The following ZNF521 variants were observed in gnomAD, a reference collection of about 807,000 sequenced individuals.
ZNF521 encodes LYST-interacting protein 3.
In ZNF521, 14 loss-of-function variants were observed where a neutral mutation model predicts 105.5. The ratio of observed to expected loss-of-function variants is 0.13; its 90% CI spans 0.09 to 0.21. The LOEUF is 0.21. Among genes scored for constraint, ZNF521 ranks in the 10% least tolerant of loss-of-function variants. The pLI, the probability that ZNF521 is intolerant of heterozygous loss-of-function variation, is 1.00. For synonymous variants in ZNF521, 635 were observed against 606.0 expected, an observed-to-expected ratio of 1.05 and a Z score of -0.70; for missense variants, 1,233 against 1,629.7, an observed-to-expected ratio of 0.76 and a Z score of 4.19.
At chr18:25,311,424 T>C (rs1445925809) in intron 3 of ZNF521, among the ~76,000 whole-genome samples, 3 of 151,264 alleles carry the variant, frequency 2.0e-5, no homozygotes, top group Non-Finnish European at 4.4e-5. Flanking sequence ...AGTTTTATCA[T>C]GTTGAATTTC....
At chr18:25,305,703 A>T (rs1911937601) in intron 3 of ZNF521, among the ~76,000 whole-genome samples, 1 of 152,236 alleles carries the variant, frequency 6.6e-6, no homozygotes, top group Non-Finnish European at 1.5e-5. Context: ...TTAGAAGGGA[A>T]GAATTTTAAG....
chr18:25,103,688 C>G (rs1487718719), intron 5 of ZNF521, among the ~76,000 whole-genome samples: 2 of 150,542 alleles, frequency 1.3e-5, no homozygotes, highest in Non-Finnish European at 1.5e-5. Context: ...GTTCCTTCTG[C>G]TGTTTTCTGT....
At chr18:25,173,091 T>G (rs1056715879) in intron 5 of ZNF521, among the ~76,000 whole-genome samples, 7 of 152,232 alleles carry the variant, frequency 4.6e-5, no homozygotes, top group Non-Finnish European at 1.0e-4. Context: ...CAATAATGCA[T>G]TAGATGCCAG....
At chr18:25,177,077 T>C (rs1188819906) in intron 5 of ZNF521, among the ~76,000 whole-genome samples, 1 of 151,864 alleles carries the variant, frequency 6.6e-6, no homozygotes, top group Non-Finnish European at 1.5e-5. Flanking sequence ...AAATTTCATG[T>C]CACTTTCAGT....
chr18:25,148,433 A>T (rs1271333365), intron 5 of ZNF521, among the ~76,000 whole-genome samples: 1 of 152,172 alleles, frequency 6.6e-6, no homozygotes, highest in Non-Finnish European at 1.5e-5. Context: ...ATTTCTATGC[A>T]TTGAGTTTTA....
intron 5 of ZNF521, among the ~76,000 whole-genome samples, chr18:25,110,935 G>A (rs1056730836): frequency 1.3e-5 from 2 of 151,796 alleles, no homozygotes; most frequent in African/African-American, 4.8e-5. Context: ...GCTAATTTTT[G>A]TATTTTTAGT....
chr18:25,179,120 T>C (rs1254726985), intron 5 of ZNF521, among the ~76,000 whole-genome samples: 2 of 15,564 alleles, frequency 1.3e-4, no homozygotes, highest in African/African-American at 5.6e-4. Flanking sequence ...TTATTCCTTT[T>C]TTTTTTTTTT....
intron 3 of ZNF521, among the ~76,000 whole-genome samples, chr18:25,266,759 C>A (rs1164866645): frequency 1.3e-5 from 2 of 152,328 alleles, no homozygotes; most frequent in East Asian, 3.9e-4. Flanking sequence ...AACCCACAGA[C>A]CAGGAGATTC....
chr18:25,311,280 T>C (rs192305440), intron 3 of ZNF521, among the ~76,000 whole-genome samples: 65 of 151,794 alleles, frequency 4.3e-4, no homozygotes, highest in Admixed American at 9.9e-4. Flanking sequence ...AGTCTACTTT[T>C]AACAGCTTTT....
intron 3 of ZNF521, among the ~76,000 whole-genome samples, chr18:25,296,470 A>C (rs1911324563): frequency 6.6e-6 from 1 of 152,206 alleles, no homozygotes; most frequent in Admixed American, 6.5e-5. Flanking sequence ...AAAGATACTC[A>C]GTCACACTTA....
At chr18:25,120,040 A>G (rs1047124437) in intron 5 of ZNF521, among the ~76,000 whole-genome samples, 63 of 152,340 alleles carry the variant, frequency 4.1e-4, no homozygotes, top group African/African-American at 1.5e-3. Flanking sequence ...GAATATTACA[A>G]TTTTATGCCA....
chr18:25,318,340 T>TG (rs1466111794), intron 3 of ZNF521, among the ~76,000 whole-genome samples: 2 of 152,074 alleles, frequency 1.3e-5, no homozygotes, highest in Non-Finnish European at 2.9e-5. Context: ...GAAAGAAGCA[T>TG]GAGGGAACTT....
At chr18:25,180,875 C>T (rs551888234) in intron 5 of ZNF521, among the ~76,000 whole-genome samples, 3 of 152,280 alleles carry the variant, frequency 2.0e-5, no homozygotes, top group African/African-American at 7.2e-5. Flanking sequence ...GCAACAGCAG[C>T]AGCATAAATT....
At chr18:25,190,020 T>A (rs928517167) in intron 5 of ZNF521, among the ~76,000 whole-genome samples, 1 of 152,176 alleles carries the variant, frequency 6.6e-6, no homozygotes, top group African/African-American at 2.4e-5. Context: ...CCTGTACAGA[T>A]GGCTATTAAA....
intron 3 of ZNF521, among the ~76,000 whole-genome samples, chr18:25,230,453 C>G (rs184781313): frequency 9.9e-4 from 151 of 152,264 alleles, no homozygotes; most frequent in African/African-American, 3.5e-3. Flanking sequence ...ATGGTCTCCC[C>G]GCCAACATAC....
intron 7 of ZNF521, among the ~76,000 whole-genome samples, chr18:25,082,044 G>A (rs1236176640): frequency 2.6e-5 from 4 of 152,070 alleles, no homozygotes; most frequent in Non-Finnish European, 4.4e-5. Context: ...CAAATGATTC[G>A]GTTCCTGGAG....
At position 25,210,467 on chromosome 18, in the gene ZNF521, C is replaced by A. The variant is rs115392085; in HGVS notation, c.3573+13878G>T. ...TGCTTATGTAATACAATGTTTAATTCAATAAAATAAATTATTTGCCTTGAT... is the reference window on the plus strand; with the variant it reads ...TGCTTATGTAATACAATGTTTAATTAAATAAAATAAATTATTTGCCTTGAT... On this transcript the variant is annotated intron_variant, in intron 4 of 7. Transcript: ENST00000361524. 9.7e-3 allele frequency among the ~76,000 whole-genome samples: 1,474 copies of A among 152,154 alleles called. 25 individuals carry two copies. Among genetic ancestry groups the A allele is most frequent in the African/African-American group, 0.033 (1,366 of 41,508 alleles).
chr18:25,096,569 C>T (rs1246776768), intron 5 of ZNF521, among the ~76,000 whole-genome samples: 1 of 152,140 alleles, frequency 6.6e-6, no homozygotes, highest in Non-Finnish European at 1.5e-5. Flanking sequence ...TGTTTATACT[C>T]CTTTTCCTTC....
At chr18:25,337,017 T>G (rs8084062) in intron 2 of ZNF521, among the ~76,000 whole-genome samples, 78,690 of 151,964 alleles carry the variant, frequency 0.52, 21,023 homozygotes, top group African/African-American at 0.63. Flanking sequence ...TTAATAACTT[T>G]CCCAAGGTCA....
Sources: gnomAD v4.1 joint callset for allele counts (sites outside exome capture counted in the v4.1 genomes callset) on GRCh38, gnomAD v4.1.1 for gene constraint, MANE v1.5 for transcripts, NCBI Gene and HGNC (gene_info 2026-07-23, HGNC 2026-07-21) for gene names.